Variants in ATP13A4 observed in about 807,000 individuals in gnomAD.
ATP13A4 encodes the protein ATPase 13A4, also known as probable cation-transporting ATPase 13A4.
In ATP13A4, 114 loss-of-function variants were observed where a neutral mutation model predicts 142.5. That is an observed-to-expected ratio of 0.80 (90% CI 0.69 to 0.93). The LOEUF (loss-of-function observed/expected upper bound fraction) is 0.93. Among genes scored for constraint, ATP13A4 ranks in the 40% least tolerant of loss-of-function variants. The pLI, the probability that ATP13A4 is intolerant of heterozygous loss-of-function variation, is 0.00. For synonymous variants in ATP13A4, 488 were observed against 514.8 expected (o/e 0.95, Z 0.70); for missense variants, 1,392 against 1,454.0 (o/e 0.96, Z 0.69).
At chr3:193,521,982 C>A (rs76952592) in intron 1 of ATP13A4, among the ~76,000 whole-genome samples, 4,062 of 152,094 alleles carry the variant, frequency 0.027, 83 homozygotes, top group Non-Finnish European at 0.041. Context: ...AACTGCACCT[C>A]CATCTTTCCC....
At chr3:193,509,915 A>G (rs1325762993) in intron 2 of ATP13A4, among the ~76,000 whole-genome samples, 1 of 152,238 alleles carries the variant, frequency 6.6e-6, no homozygotes, top group Non-Finnish European at 1.5e-5. Context: ...GCTCATAGTT[A>G]TATTCCCAGT....
At chr3:193,555,161 C>T, upstream of ATP13A4, 1 of 374,768 alleles carries the variant, frequency 2.7e-6, no homozygotes, top group South Asian at 2.1e-5. Context: ...GACTGCAAAT[C>T]CAACAGGACA....
intron 13 of ATP13A4, among the ~76,000 whole-genome samples, chr3:193,460,550 G>T (rs1381349640): frequency 6.6e-6 from 1 of 152,132 alleles, no homozygotes; most frequent in African/African-American, 2.4e-5. Flanking sequence ...TAAAAGAGCA[G>T]CTCATCTTGG....
intron 29 of ATP13A4, among the ~76,000 whole-genome samples, chr3:193,403,158 A>C (rs1714333569): frequency 6.6e-6 from 1 of 152,220 alleles, no homozygotes; most frequent in African/African-American, 2.4e-5. Context: ...CTCACATCTA[A>C]ATTGAATTTA....
At chr3:193,444,622 G>A (rs1212720867) in intron 18 of ATP13A4, among the ~76,000 whole-genome samples, 1 of 152,192 alleles carries the variant, frequency 6.6e-6, no homozygotes, top group Non-Finnish European at 1.5e-5. Flanking sequence ...TCTGGTGGGG[G>A]TTTTCAACAT....
At chr3:193,553,531 A>C (rs537120981) in intron 1 of ATP13A4, 1 of 152,368 alleles carries the variant, frequency 6.6e-6, no homozygotes, top group South Asian at 2.1e-4. Flanking sequence ...TTCCTAAAGA[A>C]AACTCTTTAA....
At chr3:193,526,480 C>T (rs1379696374) in intron 1 of ATP13A4, among the ~76,000 whole-genome samples, 5 of 152,024 alleles carry the variant, frequency 3.3e-5, no homozygotes, top group Admixed American at 6.6e-5. Flanking sequence ...GGAGGGAGAG[C>T]ATTAGGACAA....
chr3:193,467,337 T>G lies in ATP13A4; in HGVS notation c.1093A>C (p.Arg365=). The G allele has an allele frequency of 6.2e-7, 1 of 1,614,214 alleles. No homozygotes were observed. The highest frequency in any genetic ancestry group is 8.5e-7 in the Non-Finnish European group (1 of 1,180,030). ...QAKAACSGTV[R]AVVLQTGFNT... ...TAACCAGTCTGCAGTACCACGGCTCTCACGGTCCCAGAGCAAGCTGCCTTG... is the reference window on the plus strand; with the variant it reads ...TAACCAGTCTGCAGTACCACGGCTCGCACGGTCCCAGAGCAAGCTGCCTTG... Residue 365 remains arginine (R), a synonymous_variant, in exon 10 of 30, where the codon AGA becomes CGA. Transcript: ENST00000342695.
rs769888414 is a variant in ATP13A4, at chr3:193,457,480, G to T, written c.1675-15C>A. 1.0e-5 allele frequency: 16 copies of T among 1,600,804 alleles called. No homozygotes were observed. The South Asian group carries it at 1.7e-4, about 17-fold the overall frequency. On this transcript the variant is annotated splice_polypyrimidine_tract_variant and intron_variant, in intron 14 of 29. Transcript: ENST00000342695. ...AAAGCCATTTCCTATTTCACAAATAGGATATTTCATTGCAGAGATTTATTT... is the reference window on the plus strand; with the variant it reads ...AAAGCCATTTCCTATTTCACAAATATGATATTTCATTGCAGAGATTTATTT...
intron 2 of ATP13A4, among the ~76,000 whole-genome samples, chr3:193,573,274 T>TATATATATACAC (rs1209937896): frequency 3.6e-5 from 3 of 83,050 alleles, no homozygotes; most frequent in Non-Finnish European, 7.1e-5. Flanking sequence ...TATATATATA[T>TATATATATACAC]ACATATATAT....
At chr3:193,573,308 C>CGTATTTATATATATATTCTTATATAT (rs1229145689) in intron 2 of ATP13A4, among the ~76,000 whole-genome samples, 1 of 103,674 alleles carries the variant, frequency 9.6e-6, no homozygotes, top group Non-Finnish European at 1.8e-5. Context: ...TATATATATA[C>CGTATTTATATATATATTCTTATATAT]ATATATATAT....
chr3:193,565,471 C>T (rs1724113927), intron 2 of ATP13A4, among the ~76,000 whole-genome samples: 1 of 152,158 alleles, frequency 6.6e-6, no homozygotes, highest in Admixed American at 6.5e-5. Flanking sequence ...TTTCTGGACC[C>T]TTTGAAAGGA....
chr3:193,458,894 T>C (rs1717788152), intron 14 of ATP13A4, 187 bp downstream of exon 14: 2 of 739,582 alleles, frequency 2.7e-6, no homozygotes, highest in African/African-American at 3.5e-5. Flanking sequence ...AATCTCATTA[T>C]GTAGATGCTA....
At chr3:193,428,127 A>G (rs1715770407) in intron 25 of ATP13A4, among the ~76,000 whole-genome samples, 1 of 152,154 alleles carries the variant, frequency 6.6e-6, no homozygotes, top group African/African-American at 2.4e-5. Flanking sequence ...AAAAGTGGGC[A>G]AAGGATATGA....
At chr3:193,430,796 T>G (rs1487272791) in intron 25 of ATP13A4, among the ~76,000 whole-genome samples, 1 of 152,058 alleles carries the variant, frequency 6.6e-6, no homozygotes, top group African/African-American at 2.4e-5. Context: ...CATATAAGAC[T>G]TGAATTGAGT....
intron 26 of ATP13A4, 135 bp from the exon 27 acceptor site, chr3:193,412,506 AAC>A (rs58979821): frequency 0.3 from 150,656 of 502,558 alleles, 16,102 homozygotes; most frequent in Non-Finnish European, 0.35. Flanking sequence ...TGCTTTGGAA[AAC>A]ACACACACAC....
At chr3:193,555,309 G>A (rs189360268), upstream of ATP13A4, among the ~76,000 whole-genome samples, 298 of 152,328 alleles carry the variant, frequency 2.0e-3, 1 homozygote, top group Non-Finnish European at 2.1e-3. Flanking sequence ...ATGAATGAAA[G>A]CTTCAATCCA....
upstream of ATP13A4, among the ~76,000 whole-genome samples, chr3:193,557,748 T>A (rs1425036316): frequency 6.6e-6 from 1 of 152,242 alleles, no homozygotes; most frequent in Non-Finnish European, 1.5e-5. Context: ...GCAAAGAGGT[T>A]TGCATTTATA....
chr3:193,493,042 T>C, intron 4 of ATP13A4, 45 bp from the exon 5 acceptor site: 1 of 1,604,310 alleles, frequency 6.2e-7, no homozygotes, highest in Non-Finnish European at 8.5e-7. Context: ...AATAATATTT[T>C]TGAGATAACA....
Sources: gnomAD v4.1 joint callset for allele counts (sites outside exome capture counted in the v4.1 genomes callset) on GRCh38, gnomAD v4.1.1 for gene constraint, MANE v1.5 for transcripts, NCBI Gene and HGNC (gene_info 2026-07-23, HGNC 2026-07-21) for gene names.